Variants in PRKCA observed in about 807,000 individuals in gnomAD.
PRKCA encodes the protein protein kinase C alpha type.
Under a neutral mutation model 87.0 loss-of-function variants are expected in PRKCA, and 27 were observed. That is an observed-to-expected ratio of 0.31 (90% CI 0.23 to 0.43). The LOEUF is 0.43. Among genes scored for constraint, PRKCA ranks in the 20% least tolerant of loss-of-function variants. The pLI is 1.00. For missense variants in PRKCA, 518 were observed against 852.3 expected (o/e 0.61, Z 4.88); for synonymous variants, 329 against 311.1 (o/e 1.06, Z -0.61).
At chr17:66,653,808 AAC>A (rs766264332) in intron 5 of PRKCA, among the ~76,000 whole-genome samples, 4 of 68,394 alleles carry the variant, frequency 5.8e-5, no homozygotes, top group East Asian at 4.7e-4. Context: ...AAAAAAAAAA[AAC>A]AAAACCAACA....
At chr17:66,359,482 T>C (rs576325255) in intron 2 of PRKCA, among the ~76,000 whole-genome samples, 2 of 152,214 alleles carry the variant, frequency 1.3e-5, no homozygotes, top group Non-Finnish European at 2.9e-5. Context: ...AGATGTAGCA[T>C]TGAGCAGATT....
At chr17:66,649,398 G>C (rs1440653799) in intron 5 of PRKCA, among the ~76,000 whole-genome samples, 1 of 152,198 alleles carries the variant, frequency 6.6e-6, no homozygotes, top group Non-Finnish European at 1.5e-5. Context: ...TTGTTCATAG[G>C]ACTGGACCTT....
intron 2 of PRKCA, among the ~76,000 whole-genome samples, chr17:66,370,228 C>CTTTTTTTTTT (rs35851942): frequency 8.9e-6 from 1 of 112,246 alleles, no homozygotes; most frequent in African/African-American, 3.6e-5. Flanking sequence ...TATTTTGATA[C>CTTTTTTTTTT]TTTTTTTTTT....
intron 3 of PRKCA, among the ~76,000 whole-genome samples, chr17:66,531,288 C>T (rs1238699605): frequency 6.6e-6 from 1 of 152,212 alleles, no homozygotes; most frequent in Non-Finnish European, 1.5e-5. Flanking sequence ...GCCGTTTCTT[C>T]CAAGTACTCT....
At chr17:66,500,664 G>A (rs1916686788) in intron 3 of PRKCA, among the ~76,000 whole-genome samples, 1 of 152,194 alleles carries the variant, frequency 6.6e-6, no homozygotes, top group Non-Finnish European at 1.5e-5. Context: ...GAAACAAGAT[G>A]TTGGTGGCTT....
At chr17:66,550,929 C>T (rs941710731) in intron 3 of PRKCA, among the ~76,000 whole-genome samples, 15 of 152,274 alleles carry the variant, frequency 9.9e-5, no homozygotes, top group African/African-American at 3.1e-4. Context: ...TCTTATTAAA[C>T]GGCTTCTTTT....
chr17:66,495,086 A>G (rs1598719367), intron 2 of PRKCA, among the ~76,000 whole-genome samples: 1 of 138,362 alleles, frequency 7.2e-6, no homozygotes, highest in African/African-American at 2.7e-5. Flanking sequence ...TCGGTGACAA[A>G]GTGAGACCCG....
At chr17:66,627,069 C>T (rs1970877463) in intron 3 of PRKCA, among the ~76,000 whole-genome samples, 1 of 152,148 alleles carries the variant, frequency 6.6e-6, no homozygotes, top group African/African-American at 2.4e-5. Flanking sequence ...TGAATTTCTG[C>T]CTTTATTTTA....
intron 8 of PRKCA, chr17:66,703,207 A>T (rs1419910274): frequency 6.6e-6 from 1 of 152,188 alleles, no homozygotes; most frequent in Non-Finnish European, 1.5e-5. Context: ...CTTAAATAAC[A>T]CTTAAAACAC....
At chr17:66,467,693 G>A (rs1375374046) in intron 2 of PRKCA, among the ~76,000 whole-genome samples, 1 of 152,096 alleles carries the variant, frequency 6.6e-6, no homozygotes, top group Non-Finnish European at 1.5e-5. Context: ...GAGTAGCTGG[G>A]ACCACAGGTG....
intron 2 of PRKCA, among the ~76,000 whole-genome samples, chr17:66,382,983 T>C (rs9904146): frequency 0.045 from 6,819 of 152,224 alleles, 353 homozygotes; most frequent in African/African-American, 0.12. Context: ...TCTTTCATTA[T>C]TTTATTTCCA....
intron 3 of PRKCA, among the ~76,000 whole-genome samples, chr17:66,585,152 A>G (rs1303074929): frequency 6.6e-6 from 1 of 152,068 alleles, no homozygotes. Flanking sequence ...TAGGTGTGCC[A>G]TTTACATAGT....
At chr17:66,560,426 T>C (rs1053303634) in intron 3 of PRKCA, among the ~76,000 whole-genome samples, 2 of 152,200 alleles carry the variant, frequency 1.3e-5, no homozygotes, top group African/African-American at 4.8e-5. Flanking sequence ...ATTGTCTGTG[T>C]TTTGAGCCCA....
intron 13 of PRKCA, among the ~76,000 whole-genome samples, chr17:66,745,125 G>A (rs1025872216): frequency 6.6e-6 from 1 of 152,188 alleles, no homozygotes; most frequent in Non-Finnish European, 1.5e-5. Context: ...TAAGGATGTG[G>A]ACATCTGTTG....
chr17:66,677,061 G>A (rs2143979988), intron 5 of PRKCA: 1 of 59,980 alleles, frequency 1.7e-5, no homozygotes, highest in Non-Finnish European at 3.7e-5. Flanking sequence ...GTCCAAATCT[G>A]GCCCACAGCT....
chr17:66,652,902 G>A (rs1971629446), intron 5 of PRKCA, among the ~76,000 whole-genome samples: 1 of 152,220 alleles, frequency 6.6e-6, no homozygotes, highest in Non-Finnish European at 1.5e-5. Flanking sequence ...TTTTGTGGAT[G>A]GCAGACCAAA....
intron 2 of PRKCA, among the ~76,000 whole-genome samples, chr17:66,435,205 A>G (rs971185474): frequency 1.3e-5 from 2 of 152,202 alleles, no homozygotes; most frequent in African/African-American, 4.8e-5. Flanking sequence ...CAGGGGTTTC[A>G]GCCTGGGGAC....
At chr17:66,713,591 A>G (rs1189105736) in intron 8 of PRKCA, among the ~76,000 whole-genome samples, 2 of 152,104 alleles carry the variant, frequency 1.3e-5, no homozygotes, top group East Asian at 3.9e-4. Context: ...TGGTTTTGTT[A>G]TGAGGACAAG....
chr17:66,793,869 A>G (rs1432711876), intron 16 of PRKCA, among the ~76,000 whole-genome samples: 1 of 152,208 alleles, frequency 6.6e-6, no homozygotes, highest in Non-Finnish European at 1.5e-5. Context: ...ATTCTGATCC[A>G]CCGTCACTTT....
Sources: gnomAD v4.1 joint callset for allele counts (sites outside exome capture counted in the v4.1 genomes callset) on GRCh38, gnomAD v4.1.1 for gene constraint, MANE v1.5 for transcripts, NCBI Gene and HGNC (gene_info 2026-07-23, HGNC 2026-07-21) for gene names.